Variants in RASSF8 observed in about 807,000 individuals in gnomAD.
RASSF8 encodes ras association domain-containing protein 8.
Under a neutral mutation model 48.5 loss-of-function variants are expected in RASSF8, and 22 were observed. The observed-to-expected ratio is 0.45, with a 90% CI of 0.32 to 0.65. The LOEUF (loss-of-function observed/expected upper bound fraction) is 0.65, where lower values mean the gene tolerates loss of function less well. Among genes scored for constraint, RASSF8 ranks in the 30% least tolerant of loss-of-function variants. The pLI is 0.03. For missense variants in RASSF8, 418 were observed against 489.2 expected (o/e 0.85, Z 1.37); for synonymous variants, 127 against 171.5 (o/e 0.74, Z 2.03).
chr12:26,033,245 G>C (rs1446662512), intron 2 of RASSF8, among the ~76,000 whole-genome samples: 1 of 152,286 alleles, frequency 6.6e-6, no homozygotes, highest in East Asian at 1.9e-4. Flanking sequence ...GCCATTTCAA[G>C]GTATGCTGGA....
In RASSF8 at chr12:26,069,019, G is replaced by A; in HGVS notation, c.*201G>A. 7.9e-7 allele frequency: 1 copy of A among 1,270,326 alleles called. No individual in the cohort carries two copies. The highest frequency in any genetic ancestry group is 9.9e-7 in the Non-Finnish European group (1 of 1,005,484). The allele number at this position is 1,270,326 out of a possible 1,614,324, so 78.7% of individuals were successfully genotyped here. The stretch of plus-strand genomic sequence containing the variant: ...GAAACTGTGTTTTCACACATCAACA[G>A]TGTTGATATTTTTGTCCAGCAGCTA... On this transcript the variant is annotated 3_prime_UTR_variant, in exon 6 of 6. Coordinates refer to ENST00000689635, the MANE Select transcript of RASSF8 (RefSeq NM_001394098.1).
At chr12:25,984,807 T>G (rs1473865824) in intron 1 of RASSF8, among the ~76,000 whole-genome samples, 1 of 152,250 alleles carries the variant, frequency 6.6e-6, no homozygotes, top group African/African-American at 2.4e-5. Flanking sequence ...TGTTTATACC[T>G]TACTCATTTT....
At chr12:25,975,822 A>G (rs1251910466) in intron 1 of RASSF8, among the ~76,000 whole-genome samples, 1 of 152,118 alleles carries the variant, frequency 6.6e-6, no homozygotes, top group Non-Finnish European at 1.5e-5. Flanking sequence ...ATAAAGGTGG[A>G]TGAGAGGTGA....
At chr12:26,059,952 C>T (rs563837157) in intron 3 of RASSF8, among the ~76,000 whole-genome samples, 39 of 152,296 alleles carry the variant, frequency 2.6e-4, no homozygotes, top group African/African-American at 8.7e-4. Context: ...GGCTGTAGTG[C>T]AGTGGTGTGA....
chr12:26,002,113 G>T (rs1942273017), intron 2 of RASSF8, among the ~76,000 whole-genome samples: 1 of 152,220 alleles, frequency 6.6e-6, no homozygotes, highest in Admixed American at 6.5e-5. Context: ...ATGACTGTAT[G>T]ACATAGTATA....
At chr12:25,966,832 G>A (rs10842644) in intron 1 of RASSF8, among the ~76,000 whole-genome samples, 9,997 of 152,246 alleles carry the variant, frequency 0.066, 712 homozygotes, top group East Asian at 0.27. Flanking sequence ...GGCTTTTGGT[G>A]TGGTATTTAA....
Position 26,070,312 on chromosome 12 carries a change from A to G in RASSF8, c.*1494A>G. Reference sequence around the variant, plus strand: ...CATTTGACTGACTTTGGTTTAGTGAATGCTGACAATGCTGCTCTACTTAGG... The same window carrying G: ...CATTTGACTGACTTTGGTTTAGTGAGTGCTGACAATGCTGCTCTACTTAGG... On this transcript the variant is annotated 3_prime_UTR_variant, in exon 6 of 6. Transcript: ENST00000689635. 1 of 985,398 alleles carries G rather than the reference A, an allele frequency of 1.0e-6. No individual in the cohort carries two copies. Among genetic ancestry groups the G allele is most frequent in the Non-Finnish European group, 1.2e-6 (1 of 829,886 alleles). The allele number at this position is 985,398 out of a possible 1,614,324, so 61.0% of individuals were successfully genotyped here.
At chr12:26,027,270 T>C (rs1030071749) in intron 2 of RASSF8, among the ~76,000 whole-genome samples, 3 of 152,220 alleles carry the variant, frequency 2.0e-5, no homozygotes, top group African/African-American at 4.8e-5. Flanking sequence ...TAACTGGTGA[T>C]AGTTCCATAA....
chr12:26,043,308 T>C (rs1337770664), intron 2 of RASSF8, among the ~76,000 whole-genome samples: 1 of 152,142 alleles, frequency 6.6e-6, no homozygotes, highest in African/African-American at 2.4e-5. Context: ...CATATGCAGC[T>C]CAGAGATGCT....
At chr12:25,978,214 G>A (rs890766526) in intron 1 of RASSF8, among the ~76,000 whole-genome samples, 6 of 152,166 alleles carry the variant, frequency 3.9e-5, no homozygotes, top group Non-Finnish European at 8.8e-5. Flanking sequence ...AGATTCTGAT[G>A]CAGAAAGCCG....
At chr12:26,023,516 A>C (rs1942834883) in intron 2 of RASSF8, among the ~76,000 whole-genome samples, 1 of 152,230 alleles carries the variant, frequency 6.6e-6, no homozygotes, top group Admixed American at 6.5e-5. Context: ...TTTAACTAAC[A>C]ATTTTATGCA....
rs552839526 is a variant in RASSF8 at position 25,997,241 on chromosome 12, G to A, written c.-109+2111G>A. 2.7e-3 allele frequency among the ~76,000 whole-genome samples: 410 copies of A among 152,194 alleles called. 2 individuals carry two copies. Among genetic ancestry groups the A allele is most frequent in the African/African-American group, 9.5e-3 (393 of 41,534 alleles). On this transcript the variant is annotated intron_variant, in intron 2 of 5. Transcript: ENST00000689635. ...TTGTCTTTCTGTTCTAGATAGGACC[G>A]TAATCTTCCCTCATCCCCCCTTTCT...
In RASSF8 at chr12:26,070,640, A is replaced by C; in HGVS notation, c.*1822A>C. On this transcript the variant is annotated 3_prime_UTR_variant, in exon 6 of 6. Transcript: ENST00000689635. ...AGGATGATTAAAAAATAATTTATAG[A>C]TTTTGTGACAGTAATGATTTACATA... 1 of 949,960 alleles carries C rather than the reference A, an allele frequency of 1.1e-6. No individual in the cohort carries two copies. The highest frequency in any genetic ancestry group is 1.3e-6 in the Non-Finnish European group (1 of 797,860). The allele number at this position is 949,960 out of a possible 1,614,324, so 58.8% of individuals were successfully genotyped here. A position where few individuals can be genotyped will look rare whatever the true frequency, so the allele number is the denominator to read the frequency against.
chr12:26,034,465 G>A (rs1025235863), intron 2 of RASSF8, among the ~76,000 whole-genome samples: 26 of 151,720 alleles, frequency 1.7e-4, no homozygotes, highest in African/African-American at 4.6e-4. Context: ...ATGTTGGGCC[G>A]CATTTAAAGC....
rs1337315208 is a variant in RASSF8 at position 26,055,261 on chromosome 12, C to A, written c.-83C>A. On this transcript the variant is annotated 5_prime_UTR_variant, in exon 3 of 6. Coordinates refer to ENST00000689635, the MANE Select transcript of RASSF8 (RefSeq NM_001394098.1). ...CTGACTACACAGACTTAGTCTTCTC[C>A]ACTCCGTGTTCCTGCAGCTAGAGAC... is the stretch of plus-strand genomic sequence containing the variant. 2 of 1,098,384 alleles carry A rather than the reference C, an allele frequency of 1.8e-6. No homozygotes were observed. Among genetic ancestry groups the A allele is most frequent in the Non-Finnish European group, 2.8e-6 (2 of 711,362 alleles). 68.0% of individuals were successfully genotyped at this position (1,098,384 alleles called of 1,614,324 possible).
intron 2 of RASSF8, among the ~76,000 whole-genome samples, chr12:26,034,372 A>G (rs1943087346): frequency 6.6e-6 from 1 of 151,150 alleles, no homozygotes; most frequent in Non-Finnish European, 1.5e-5. Flanking sequence ...TGACTTGGGC[A>G]ACACATAAAA....
chr12:25,987,666 A>ATAGTTGTT (rs577419489), intron 1 of RASSF8, among the ~76,000 whole-genome samples: 1 of 152,350 alleles, frequency 6.6e-6, no homozygotes, highest in South Asian at 2.1e-4. Flanking sequence ...AGGAAATTAA[A>ATAGTTGTT]TAGTTGTTTA....
intron 2 of RASSF8, among the ~76,000 whole-genome samples, chr12:26,043,304 C>T (rs1406058196): frequency 6.6e-6 from 1 of 152,180 alleles, no homozygotes; most frequent in Non-Finnish European, 1.5e-5. Flanking sequence ...GCAGCATATG[C>T]AGCTCAGAGA....
Position 26,069,817 on chromosome 12 carries a change from T to C in RASSF8, c.*999T>C. On this transcript the variant is annotated 3_prime_UTR_variant, in exon 6 of 6. Transcript: ENST00000689635. The stretch of plus-strand genomic sequence containing the variant: ...GGGTAAGGTATTGCTTGCACATAAT[T>C]TGCTCTGCATATTATGGACCATTGT... 1 of 985,180 alleles carries C rather than the reference T, an allele frequency of 1.0e-6. No individual in the cohort carries two copies. The highest frequency in any genetic ancestry group is 1.2e-6 in the Non-Finnish European group (1 of 829,684). The allele number at this position is 985,180 out of a possible 1,614,324, so 61.0% of individuals were successfully genotyped here. A position where few individuals can be genotyped will look rare whatever the true frequency, so the allele number is the denominator to read the frequency against.
Sources: allele counts gnomAD v4.1 joint callset (sites outside exome capture counted in the v4.1 genomes callset), GRCh38; gene constraint gnomAD v4.1.1; transcripts MANE v1.5; gene names NCBI Gene and HGNC (gene_info 2026-07-23, HGNC 2026-07-21).